RP1L1: variants seen among roughly 807,000 people sequenced by gnomAD.
The protein encoded by RP1L1 is RP1 like 1, also known as retinitis pigmentosa 1-like 1 protein.
RP1L1 carries 27 observed loss-of-function variants against 15.7 expected under a neutral mutation model. The ratio of observed to expected loss-of-function variants is 1.72; its 90% CI spans 1.27 to 2.38. The LOEUF is 2.38. RP1L1 is among the 30% of genes most tolerant of loss of function. The probability of loss-of-function intolerance (pLI) is 0.00; values close to 1 mark genes in which losing one functional copy is unlikely to be tolerated. For synonymous variants in RP1L1, 1,813 were observed against 1,276.7 expected (o/e 1.42, Z -8.96); for missense variants, 4,798 against 3,075.9 (o/e 1.56, Z -13.24).
In RP1L1 at chr8:10,607,868, T is replaced by C; in HGVS notation, c.6230A>G (p.Glu2077Gly). 6.3e-7 allele frequency: 1 copy of C among 1,595,070 alleles called. No individual in the cohort carries two copies. Among genetic ancestry groups the C allele is most frequent in the Non-Finnish European group, 8.6e-7 (1 of 1,168,532 alleles). Residue 2077 changes from glutamate to glycine, a missense_variant, in exon 4 of 4, where the codon GAG becomes GGG. Glu to Gly is a moderately conservative substitution (Grantham distance 98). Coordinates refer to ENST00000382483, the MANE Select transcript of RP1L1 (RefSeq NM_178857.6). ...TACATCTTCTGACTCTGGGTGGGCC[T>C]CCCCTTCTGCCTCCTGGACCTCCCC... is the stretch of plus-strand genomic sequence containing the variant. ...AEGEVQEAEG[E>G]AHPESEDVDA...
In RP1L1 at chr8:10,611,028, G is replaced by A. The variant is rs1797839093; in HGVS notation, c.3070C>T (p.Pro1024Ser). ...CTACTCCCCAGGAGGGCTCCCTCTG[G>A]CTCTGGGTCCTGGCCGGGGTCCCCT... ...LEGDPGQDPE[P>S]EGALLGSSDT... Residue 1024 changes from proline (P) to serine (S), a missense_variant, in exon 4 of 4, where the codon CCA (proline) becomes TCA (serine). By Grantham distance (74) the Pro-to-Ser change is moderately conservative. Coordinates refer to ENST00000382483, the MANE Select transcript of RP1L1 (RefSeq NM_178857.6). 1 of 1,612,690 alleles carries A rather than the reference G, an allele frequency of 6.2e-7. No individual in the cohort carries two copies. The highest frequency in any genetic ancestry group is 2.2e-5 in the East Asian group (1 of 44,894).
chr8:10,619,283 C>T (rs888910936), intron 2 of RP1L1, among the ~76,000 whole-genome samples: 2 of 152,214 alleles, frequency 1.3e-5, no homozygotes, highest in African/African-American at 4.8e-5. Flanking sequence ...GGGCATGGAA[C>T]GTGGCAGCGA....
At chr8:10,623,612 G>A (rs1798111032) in intron 1 of RP1L1, among the ~76,000 whole-genome samples, 1 of 149,900 alleles carries the variant, frequency 6.7e-6, no homozygotes, top group Non-Finnish European at 1.5e-5. Flanking sequence ...CATGTCCCCA[G>A]CACTTCCATG....
At chr8:10,633,799 G>C (rs150581344) in intron 1 of RP1L1, among the ~76,000 whole-genome samples, 1 of 152,136 alleles carries the variant, frequency 6.6e-6, no homozygotes, top group Non-Finnish European at 1.5e-5. Context: ...AATTATTGTA[G>C]GTATACAATA....
chr8:10,610,670 T>C lies in RP1L1; in HGVS notation c.3428A>G (p.Asp1143Gly). ...GSPASKVRFK[D>G]SPRYQELLSI... ...GAGCAGCTCCTGGTACCGAGGGGAG[T>C]CTTTGAACCTCACTTTGCTGGCAGG... The change falls in exon 4 of 4, where the codon GAC (aspartate) becomes GGC (glycine). Residue 1143 changes from aspartate to glycine, a missense_variant. Asp to Gly is a moderately conservative substitution (Grantham distance 94, BLOSUM62 -1). Coordinates refer to ENST00000382483, the MANE Select transcript of RP1L1 (RefSeq NM_178857.6). 6.2e-7 allele frequency: 1 copy of C among 1,611,644 alleles called. No homozygotes were observed. Among genetic ancestry groups the C allele is most frequent in the Non-Finnish European group, 8.5e-7 (1 of 1,179,100 alleles).
rs779259771 is a variant in RP1L1 at position 10,608,797 on chromosome 8, T to G, written c.5301A>C (p.Ala1767=). ...DPKLGEAEGD[A]MAQEREGKTH... ...TTTTCCCTTCTCTCTCCTGAGCCATTGCATCTCCCTCTGCCTCCCCGAGTT... is the reference window on the plus strand; with the variant it reads ...TTTTCCCTTCTCTCTCCTGAGCCATGGCATCTCCCTCTGCCTCCCCGAGTT... The change falls in exon 4 of 4, where the codon GCA becomes GCC. Residue 1767 remains alanine, a synonymous_variant. Coordinates refer to ENST00000382483, the MANE Select transcript of RP1L1 (RefSeq NM_178857.6). The G allele has an allele frequency of 8.1e-6, 13 of 1,614,052 alleles. No individual in the cohort carries two copies. The African/African-American group carries it at 1.7e-4, about 22-fold the overall frequency.
intron 1 of RP1L1, among the ~76,000 whole-genome samples, chr8:10,645,071 A>G (rs1297346348): frequency 6.6e-6 from 1 of 152,224 alleles, no homozygotes; most frequent in Admixed American, 6.5e-5. Flanking sequence ...TCATGCCTGT[A>G]ATTTCAGAAC....
intron 1 of RP1L1, among the ~76,000 whole-genome samples, chr8:10,635,701 T>A (rs140603941): frequency 5.3e-5 from 8 of 152,176 alleles, no homozygotes; most frequent in Admixed American, 1.3e-4. Flanking sequence ...GCCAAGAAAG[T>A]AAGTGGTAAG....
chr8:10,613,740 G>C (rs954890868), intron 3 of RP1L1, among the ~76,000 whole-genome samples: 1 of 151,824 alleles, frequency 6.6e-6, no homozygotes, highest in Non-Finnish European at 1.5e-5. Flanking sequence ...GCTGCAGTGA[G>C]CTATGCACCA....
rs1394488362 is a variant in RP1L1, at chr8:10,611,006, C to G, written c.3092G>C (p.Ser1031Thr). The change falls in exon 4 of 4, where the codon AGT becomes ACT. Residue 1031 changes from serine to threonine, a missense_variant. Transcript: ENST00000382483. The stretch of plus-strand genomic sequence containing the variant: ...TCCTGATTGGGGACCAGTGTCACTA[C>G]TCCCCAGGAGGGCTCCCTCTGGCTC... Reference protein sequence around the residue: ...DPEPEGALLGSSDTGPQSGEG... With the variant: ...DPEPEGALLGTSDTGPQSGEG... 16 of 1,612,598 alleles carry G rather than the reference C, an allele frequency of 9.9e-6. No homozygotes were observed. The highest frequency in any genetic ancestry group is 1.6e-4 in the Middle Eastern group (1 of 6,080).
rs1017310062 is a variant in RP1L1 at position 10,651,836 on chromosome 8, C to G, written c.-20+3062G>C. Among the ~76,000 whole-genome samples, 10 of 151,764 alleles carry G rather than the reference C, an allele frequency of 6.6e-5. 1 individual carries two copies. The highest frequency in any genetic ancestry group is 9.7e-5 in the African/African-American group (4 of 41,292). ...AATCCCAAAGCATACAGTACACAGTCACGCAGCACACAATGGCATTTCTGT... is the reference window on the plus strand; with the variant it reads ...AATCCCAAAGCATACAGTACACAGTGACGCAGCACACAATGGCATTTCTGT... On this transcript the variant is annotated intron_variant, in intron 1 of 3. Transcript: ENST00000382483.
At chr8:10,621,772 C>T (rs757175245) in intron 2 of RP1L1, 1 of 505,956 alleles carries the variant, frequency 2.0e-6, no homozygotes, top group Non-Finnish European at 4.0e-6. Flanking sequence ...TCCGGCAGAA[C>T]CTGGAAAGGC....
In RP1L1 at chr8:10,610,261, G is replaced by A; in HGVS notation, c.3837C>T (p.Asp1279=). The A allele has an allele frequency of 1.9e-6, 3 of 1,614,116 alleles. No individual in the cohort carries two copies. Among genetic ancestry groups the A allele is most frequent in the African/African-American group, 1.3e-5 (1 of 75,004 alleles). The change falls in exon 4 of 4, where the codon GAC becomes GAT. Residue 1279 remains aspartate (D), a synonymous_variant. Coordinates refer to ENST00000382483, the MANE Select transcript of RP1L1 (RefSeq NM_178857.6). ...CATNEDEAER[D]SEEQRASSNL... Reference sequence around the variant, plus strand: ...TCGAGCTCGCCCTCTGCTCCTCACTGTCTCTTTCTGCTTCATCCTCATTGG... The same window carrying A: ...TCGAGCTCGCCCTCTGCTCCTCACTATCTCTTTCTGCTTCATCCTCATTGG...
At chr8:10,654,557 A>T (rs780341322) in intron 1 of RP1L1, among the ~76,000 whole-genome samples, 1 of 152,058 alleles carries the variant, frequency 6.6e-6, no homozygotes, top group African/African-American at 2.4e-5. Context: ...AGAAATCCTC[A>T]GGAGGGATTT....
At chr8:10,631,877 G>A (rs1585990206) in intron 1 of RP1L1, among the ~76,000 whole-genome samples, 1 of 152,218 alleles carries the variant, frequency 6.6e-6, no homozygotes, top group Non-Finnish European at 1.5e-5. Context: ...CAGGAAGGGG[G>A]AAGCCAGCAC....
chr8:10,607,755 C>G lies in RP1L1; in HGVS notation c.6343G>C (p.Gly2115Arg), dbSNP rs199725126. The stretch of plus-strand genomic sequence containing the variant: ...CCTTCAGTCTCTGGGGCCTCTATAC[C>G]TTCTGCCTTCTGGGCCTCCCCTTCT... The part of the protein sequence containing the change: ...EAEGEAQKAE[G>R]IEAPETEGEA... The change falls in exon 4 of 4, where the codon GGT becomes CGT. Residue 2115 changes from glycine to arginine, a missense_variant. Physicochemically the swap from Gly to Arg is moderately radical, Grantham distance 125 (BLOSUM62 -2). Transcript: ENST00000382483. 6 of 1,612,616 alleles carry G rather than the reference C, an allele frequency of 3.7e-6. No individual in the cohort carries two copies. Among genetic ancestry groups the G allele is most frequent in the Non-Finnish European group, 5.1e-6 (6 of 1,179,520 alleles).
intron 1 of RP1L1, among the ~76,000 whole-genome samples, chr8:10,650,939 C>T (rs911391422): frequency 6.6e-6 from 1 of 152,160 alleles, no homozygotes; most frequent in Non-Finnish European, 1.5e-5. Context: ...TTAAAATTGC[C>T]ATTATTATCC....
At chr8:10,618,209 T>C (rs961786783) in intron 2 of RP1L1, among the ~76,000 whole-genome samples, 6 of 152,108 alleles carry the variant, frequency 3.9e-5, no homozygotes, top group Non-Finnish European at 7.4e-5. Flanking sequence ...GATAATAATA[T>C]CAGCTACCAG....
intron 1 of RP1L1, among the ~76,000 whole-genome samples, chr8:10,629,541 T>C (rs1338926634): frequency 2.0e-5 from 3 of 152,150 alleles, no homozygotes; most frequent in African/African-American, 7.2e-5. Flanking sequence ...AGCAAACAAC[T>C]TTAAACCACA....
Sources: allele counts gnomAD v4.1 joint callset (sites outside exome capture counted in the v4.1 genomes callset), GRCh38; gene constraint gnomAD v4.1.1; transcripts MANE v1.5; gene names NCBI Gene and HGNC (gene_info 2026-07-23, HGNC 2026-07-21).